The following ANO6 variants were observed in gnomAD, a reference collection of about 807,000 sequenced individuals.
ANO6 encodes the protein anoctamin 6.
In ANO6, 106 loss-of-function variants were observed where a neutral mutation model predicts 117.5. That is an observed-to-expected ratio of 0.90 (90% confidence interval 0.77 to 1.06). The LOEUF (loss-of-function observed/expected upper bound fraction) is 1.06. ANO6 is among the 50% of genes least tolerant of loss of function. The pLI is 0.00. For synonymous variants in ANO6, 367 were observed against 385.1 expected (o/e 0.95, Z 0.55); for missense variants, 955 against 1,121.1 (o/e 0.85, Z 2.12).
intron 1 of ANO6, among the ~76,000 whole-genome samples, chr12:45,237,027 CT>C (rs1947656687): frequency 6.6e-6 from 1 of 152,144 alleles, no homozygotes; most frequent in African/African-American, 2.4e-5. Context: ...TAAATGTCTT[CT>C]TTTGAGAAGT....
rs777412989 is a variant in ANO6 at position 45,399,173 on chromosome 12, A to C, written c.1387-2622A>C. Among the ~76,000 whole-genome samples the C allele has an allele frequency of 1.3e-4, 20 of 152,026 alleles. 1 individual carries two copies. Among genetic ancestry groups the C allele is most frequent in the South Asian group, 8.3e-4 (4 of 4,830 alleles). On this transcript the variant is annotated intron_variant, in intron 12 of 19. Coordinates refer to ENST00000320560, the MANE Select transcript of ANO6 (RefSeq NM_001025356.3). ...TTTCAGATGTCACATCTTCCAAGCC[A>C]AGGGAGGTTTTTTGTTTTTTTGTTT...
At chr12:45,382,895 TAGG>T (rs1487404417) in intron 10 of ANO6, among the ~76,000 whole-genome samples, 1 of 152,174 alleles carries the variant, frequency 6.6e-6, no homozygotes, top group Non-Finnish European at 1.5e-5. Context: ...ACTGATTAGG[TAGG>T]AGGATGGTTG....
intron 2 of ANO6, among the ~76,000 whole-genome samples, chr12:45,311,158 T>C (rs2137331959): frequency 6.6e-6 from 1 of 152,198 alleles, no homozygotes; most frequent in Middle Eastern, 3.4e-3. Context: ...AGCATGCTTA[T>C]CTGGGCAGTT....
chr12:45,371,779 C>G (rs541910154), intron 9 of ANO6, among the ~76,000 whole-genome samples: 5 of 152,184 alleles, frequency 3.3e-5, no homozygotes, highest in Admixed American at 1.3e-4. Context: ...AACAGAAAAA[C>G]TGGAAACTCT....
rs1943636718 is a variant in ANO6, at chr12:45,431,684, T to C, written c.*2373T>C. 1.0e-6 allele frequency: 1 copy of C among 985,366 alleles called. No individual in the cohort carries two copies. The allele number at this position is 985,366 out of a possible 1,614,324, so 61.0% of individuals were successfully genotyped here. On this transcript the variant is annotated 3_prime_UTR_variant, in exon 20 of 20. Coordinates refer to ENST00000320560, the MANE Select transcript of ANO6 (RefSeq NM_001025356.3). ...TAGTGAGTCCACGGCTGACTTGCAG[T>C]GATAAAGAAAAGCATGGAGCTGTGT... is the stretch of plus-strand genomic sequence containing the variant.
chr12:45,332,259 T>A (rs2137403536), intron 3 of ANO6, among the ~76,000 whole-genome samples: 1 of 151,458 alleles, frequency 6.6e-6, no homozygotes, highest in East Asian at 2.0e-4. Flanking sequence ...CTTCCCCTTT[T>A]CACATATATG....
rs1423970341 is a variant in ANO6 at position 45,244,945 on chromosome 12, G to A, written c.70+28554G>A. Among the ~76,000 whole-genome samples, 6 of 152,168 alleles carry A rather than the reference G, an allele frequency of 3.9e-5. No homozygotes were observed. In the East Asian group the frequency reaches 5.8e-4, roughly 15 times the overall value. ...TAATGCGGTGACAAAAAGGTTCAGC[G>A]GTATCCCTAGCTTCAAGAGCTAGTA... On this transcript the variant is annotated intron_variant, in intron 1 of 19. Transcript: ENST00000320560.
At chr12:45,285,467 G>A (rs1272942709) in intron 1 of ANO6, among the ~76,000 whole-genome samples, 1 of 152,208 alleles carries the variant, frequency 6.6e-6, no homozygotes, top group Non-Finnish European at 1.5e-5. Context: ...ACCGAGGCCG[G>A]GGGCGGTGGC....
chr12:45,251,860 G>A (rs1026840169), intron 1 of ANO6, among the ~76,000 whole-genome samples: 6 of 152,186 alleles, frequency 3.9e-5, no homozygotes, highest in Non-Finnish European at 7.3e-5. Flanking sequence ...CCCTTGACAA[G>A]TTGAAAAGAC....
chr12:45,249,658 T>C (rs1306964038), intron 1 of ANO6, among the ~76,000 whole-genome samples: 7 of 152,236 alleles, frequency 4.6e-5, no homozygotes, highest in Non-Finnish European at 1.0e-4. Flanking sequence ...ATAGTAGAGC[T>C]GATTTTCAAA....
At chr12:45,360,191 T>A (rs1364491875) in intron 8 of ANO6, among the ~76,000 whole-genome samples, 1 of 152,238 alleles carries the variant, frequency 6.6e-6, no homozygotes, top group African/African-American at 2.4e-5. Flanking sequence ...CTGTTTGTGC[T>A]GCTGTAACAC....
At chr12:45,221,393 G>T (rs944183089) in intron 1 of ANO6, among the ~76,000 whole-genome samples, 1 of 152,192 alleles carries the variant, frequency 6.6e-6, no homozygotes. Flanking sequence ...TGAAAGACTA[G>T]GAAAATGTAG....
intron 1 of ANO6, among the ~76,000 whole-genome samples, chr12:45,260,771 GTTTTAT>G (rs1565651014): frequency 6.6e-6 from 1 of 151,848 alleles, no homozygotes; most frequent in East Asian, 1.9e-4. Flanking sequence ...TGAGTTTTTA[GTTTTAT>G]TTTTATTTTT....
At chr12:45,288,033 G>A (rs1483128291) in intron 1 of ANO6, among the ~76,000 whole-genome samples, 1 of 152,092 alleles carries the variant, frequency 6.6e-6, no homozygotes, top group Non-Finnish European at 1.5e-5. Context: ...CACCACGAGA[G>A]TCCCCTCCAC....
chr12:45,438,883 T>C lies in ANO6; in HGVS notation c.2527-792T>C, dbSNP rs183117658. Among the ~76,000 whole-genome samples the C allele has an allele frequency of 5.9e-5, 9 of 152,222 alleles. No individual in the cohort carries two copies. The East Asian group carries it at 1.4e-3, about 23-fold the overall frequency. The stretch of plus-strand genomic sequence containing the variant: ...AGATATTTCTTTCAAACAGGGAATA[T>C]TGTGTATTAATTCAGTATTTATAGC... On this transcript the variant is annotated intron_variant, in intron 19 of 19. Transcript: ENST00000425752.
chr12:45,349,423 G>A (rs531014684), intron 6 of ANO6, among the ~76,000 whole-genome samples: 14 of 152,230 alleles, frequency 9.2e-5, no homozygotes, highest in Admixed American at 6.5e-5. Flanking sequence ...AACATCTCTC[G>A]TGAAATGAAA....
At chr12:45,269,086 G>A (rs959710754) in intron 1 of ANO6, among the ~76,000 whole-genome samples, 1 of 152,140 alleles carries the variant, frequency 6.6e-6, no homozygotes, top group African/African-American at 2.4e-5. Flanking sequence ...AGAGGCTCTG[G>A]TGCTGTTCCC....
intron 15 of ANO6, among the ~76,000 whole-genome samples, chr12:45,405,199 CTG>C (rs1393466702): frequency 1.3e-5 from 2 of 151,948 alleles, no homozygotes; most frequent in Non-Finnish European, 2.9e-5. Flanking sequence ...ATAAATAGTA[CTG>C]TGTTTCTAGA....
chr12:45,227,185 T>C lies in ANO6; in HGVS notation c.70+10794T>C, dbSNP rs1308057325. On this transcript the variant is annotated intron_variant, in intron 1 of 19. Coordinates refer to ENST00000320560, the MANE Select transcript of ANO6 (RefSeq NM_001025356.3). ...TTGTATTTTTAGTAGAGACAAGGTT[T>C]CACCATGTTGGCCAGGCTGGTCTTG... Among the ~76,000 whole-genome samples, 4 of 152,236 alleles carry C rather than the reference T, an allele frequency of 2.6e-5. No homozygotes were observed. The East Asian group carries it at 7.7e-4, about 29-fold the overall frequency.
Sources: allele counts gnomAD v4.1 joint callset (sites outside exome capture counted in the v4.1 genomes callset), GRCh38; gene constraint gnomAD v4.1.1; transcripts MANE v1.5; gene names NCBI Gene and HGNC (gene_info 2026-07-23, HGNC 2026-07-21).